Variants in PRR12 observed in about 807,000 individuals in gnomAD.
The protein encoded by PRR12 is proline rich 12.
A neutral mutation model predicts 138.0 loss-of-function variants in PRR12; 12 were observed. The ratio of observed to expected loss-of-function variants is 0.09; its 90% CI spans 0.06 to 0.14. The LOEUF is 0.14. Ranked by LOEUF, PRR12 falls within the 10% of genes least tolerant of loss-of-function variation. The probability of loss-of-function intolerance (pLI) is 1.00; values close to 1 mark genes in which losing one functional copy is unlikely to be tolerated. For missense variants in PRR12, 2,692 were observed against 2,861.3 expected, an observed-to-expected ratio of 0.94 and a Z score of 1.35; for synonymous variants, 1,567 against 1,291.7, an observed-to-expected ratio of 1.21 and a Z score of -4.57.
intron 11 of PRR12, among the ~76,000 whole-genome samples, chr19:49,622,978 T>G (rs572867603): frequency 2.8e-5 from 4 of 143,738 alleles, no homozygotes. Context: ...GAGAGAGATA[T>G]TAATATGACT....
At position 49,596,166 on chromosome 19, in the gene PRR12, G is replaced by A. The variant is rs763022410; in HGVS notation, c.1831G>A (p.Gly611Arg). Residue 611 changes from glycine (G) to arginine (R), a missense_variant, in exon 4 of 14, where the codon GGA becomes AGA. Transcript: ENST00000418929. The surrounding 1 kb of genome is among the most constrained non-coding windows in gnomAD (Gnocchi z 5.6). ...TCCGGGAGCTGGCAGCTATGCAGCCGGAGCAGGTGGCTACAAGGGCAAGGG... is the reference window on the plus strand; with the variant it reads ...TCCGGGAGCTGGCAGCTATGCAGCCAGAGCAGGTGGCTACAAGGGCAAGGG... ...APPGAGSYAA[G>R]AGGYKGKGDG... 1.2e-6 allele frequency: 2 copies of A among 1,609,000 alleles called. No homozygotes were observed. The highest frequency in any genetic ancestry group is 1.7e-5 in the Admixed American group (1 of 60,010).
Position 49,615,683 on chromosome 19 carries a change from A to G in PRR12, c.5025-64A>G, listed in dbSNP as rs28562291. 5,678 of 1,377,320 alleles carry G rather than the reference A, an allele frequency of 4.1e-3. 200 individuals are homozygous for G. In the African/African-American group the frequency reaches 0.07, roughly 17 times the overall value. The allele number at this position is 1,377,320 out of a possible 1,614,324, so 85.3% of individuals were successfully genotyped here. ...CCTGTGCCTAGGGCACTGAGCAGGG[A>G]CCCTGAGGAGAATTTGGATTATTGG... On this transcript the variant is annotated intron_variant, in intron 8 of 13. Transcript: ENST00000418929.
At chr19:49,609,867 C>T (rs997586918) in intron 6 of PRR12, among the ~76,000 whole-genome samples, 1 of 152,150 alleles carries the variant, frequency 6.6e-6, no homozygotes, top group African/African-American at 2.4e-5. Context: ...GAGCCCCTGG[C>T]CAGTAGGGAA....
At chr19:49,593,734 C>G (rs904020167) in intron 2 of PRR12, among the ~76,000 whole-genome samples, 4 of 152,206 alleles carry the variant, frequency 2.6e-5, no homozygotes, top group Non-Finnish European at 5.9e-5. Flanking sequence ...CAACCCACCC[C>G]AATTCTTTCC....
chr19:49,622,499 G>C (rs1303183875), intron 11 of PRR12, among the ~76,000 whole-genome samples: 1 of 151,870 alleles, frequency 6.6e-6, no homozygotes, highest in African/African-American at 2.4e-5. Context: ...GGCTGAGGCA[G>C]GAGAATCAGT....
Position 49,601,564 on chromosome 19 carries a change from A to AC in PRR12, c.4424dup (p.Pro1476SerfsTer53). 8.2e-7 allele frequency: 1 copy of AC among 1,216,892 alleles called. No individual in the cohort carries two copies. Among genetic ancestry groups the AC allele is most frequent in the Non-Finnish European group, 1.1e-6 (1 of 940,328 alleles). The allele number at this position is 1,216,892 out of a possible 1,614,324, so 75.4% of individuals were successfully genotyped here. A position where few individuals can be genotyped will look rare whatever the true frequency, so the allele number is the denominator to read the frequency against. ...CGACTCCTCAGCCTCAGCCTCCGCC[A>AC]CCCCCTCCGCCGCCACAGCCAGCCC... is the stretch of plus-strand genomic sequence containing the variant. On this transcript the variant is annotated frameshift_variant, in exon 6 of 14. Coordinates refer to ENST00000418929, the MANE Select transcript of PRR12 (RefSeq NM_020719.3). LOFTEE classifies it high-confidence loss of function.
At chr19:49,612,228 CAAAAAAAAAA>C (rs1170293912) in intron 6 of PRR12, among the ~76,000 whole-genome samples, 2 of 53,474 alleles carry the variant, frequency 3.7e-5, no homozygotes, top group Admixed American at 1.9e-4. Flanking sequence ...GACTCTGTCT[CAAAAAAAAAA>C]AAAAAAAAAG....
intron 11 of PRR12, among the ~76,000 whole-genome samples, chr19:49,623,821 T>C (rs936156702): frequency 6.2e-5 from 9 of 146,196 alleles, no homozygotes; most frequent in Non-Finnish European, 1.3e-4. Context: ...GGGCTGGGAA[T>C]TCTGGGATAG....
rs1555740341 is a variant in PRR12, at chr19:49,595,024, GC to G, written c.695del (p.Pro232GlnfsTer83). On this transcript the variant is annotated frameshift_variant, in exon 4 of 14. Transcript: ENST00000418929. LOFTEE classifies it high-confidence loss of function. ...GPAQTPPYRP[G>X]PPDPPPPPRH... ...GCCCAGACCCCCCCTTACCGCCCTGGCCCCCCAGACCCACCACCACCTCCTC... is the reference window on the plus strand; with the variant it reads ...GCCCAGACCCCCCCTTACCGCCCTGGCCCCCAGACCCACCACCACCTCCTC... 6.2e-7 allele frequency: 1 copy of G among 1,603,976 alleles called. No homozygotes were observed. The highest frequency in any genetic ancestry group is 8.5e-7 in the Non-Finnish European group (1 of 1,176,612).
chr19:49,592,963 A>G (rs897794800), intron 1 of PRR12, among the ~76,000 whole-genome samples: 1 of 151,686 alleles, frequency 6.6e-6, no homozygotes, highest in Non-Finnish European at 1.5e-5. Flanking sequence ...GTGTCGCCGG[A>G]ACGGGGGCTG....
chr19:49,624,147 A>T (rs1425369015), intron 11 of PRR12, among the ~76,000 whole-genome samples: 3 of 141,452 alleles, frequency 2.1e-5, no homozygotes, highest in African/African-American at 8.1e-5. Flanking sequence ...GATGGGACCG[A>T]GAATTCTGGG....
At chr19:49,622,765 G>C (rs1185138274) in intron 11 of PRR12, among the ~76,000 whole-genome samples, 1 of 148,024 alleles carries the variant, frequency 6.8e-6, no homozygotes, top group South Asian at 2.2e-4. Flanking sequence ...GGTGGCGGGC[G>C]CCTGTAGTCC....
chr19:49,616,556 G>T lies in PRR12; in HGVS notation c.5497+337G>T, dbSNP rs962687518. ...CTGAGCCCAGGGTGCCTCGGACTCT[G>T]TTCTTCAGTGCTGCGTTCTGCCTCA... On this transcript the variant is annotated intron_variant, in intron 9 of 13. Coordinates refer to ENST00000418929, the MANE Select transcript of PRR12 (RefSeq NM_020719.3). The surrounding 1 kb of genome is among the most constrained non-coding windows in gnomAD (Gnocchi z 4.2). 3.9e-5 allele frequency among the ~76,000 whole-genome samples: 6 copies of T among 152,138 alleles called. No homozygotes were observed. The highest frequency in any genetic ancestry group is 8.8e-5 in the Non-Finnish European group (6 of 68,008).
rs759743901 is a variant in PRR12, at chr19:49,599,977, G to C, written c.4345+39G>C. 6.6e-7 allele frequency: 1 copy of C among 1,522,956 alleles called. No individual in the cohort carries two copies. The highest frequency in any genetic ancestry group is 1.3e-5 in the South Asian group (1 of 79,470). 94.3% of individuals were successfully genotyped at this position (1,522,956 alleles called of 1,614,324 possible). A position where few individuals can be genotyped will look rare whatever the true frequency, so the allele number is the denominator to read the frequency against. The stretch of plus-strand genomic sequence containing the variant: ...AGGTGGTCTGGGAGTAGAGCTTAAA[G>C]GTTATTATGATCACTAGGTAACAGT... On this transcript the variant is annotated intron_variant, in intron 5 of 13. Coordinates refer to ENST00000418929, the MANE Select transcript of PRR12 (RefSeq NM_020719.3). This position sits in a 1 kb window ranked among gnomAD's most constrained non-coding sequence, Gnocchi z 5.0.
Position 49,591,228 on chromosome 19 carries a change from CAGA to C in PRR12, c.-426_-424del, listed in dbSNP as rs1311279349. ...TGCAAAGATGGCTGCACCGTGAGCG[CAGA>C]GGAGGAGGAGGCGGCGGCGGCGGCG... On this transcript the variant is annotated 5_prime_UTR_variant, in exon 1 of 14. Transcript: ENST00000418929. 6.8e-5 allele frequency among the ~76,000 whole-genome samples: 10 copies of C among 146,036 alleles called. No individual in the cohort carries two copies. Among genetic ancestry groups the C allele is most frequent in the Middle Eastern group, 7.0e-3 (2 of 286 alleles).
chr19:49,620,510 C>A (rs1380269321), intron 10 of PRR12, 33 bp downstream of exon 10: 2 of 1,541,838 alleles, frequency 1.3e-6, no homozygotes, highest in Non-Finnish European at 1.8e-6. Context: ...GGGGGGGGGG[C>A]TGACTCGGTC....
Position 49,616,019 on chromosome 19 carries a change from G to A in PRR12, c.5297G>A (p.Arg1766Gln), listed in dbSNP as rs908417556. 16 of 1,553,808 alleles carry A rather than the reference G, an allele frequency of 1.0e-5. No homozygotes were observed. The highest frequency in any genetic ancestry group is 1.4e-5 in the Non-Finnish European group (16 of 1,148,666). The change falls in exon 9 of 14, where the codon CGG (arginine) becomes CAG (glutamine). Residue 1766 changes from arginine to glutamine, a missense_variant. Transcript: ENST00000418929. This position sits in a 1 kb window ranked among gnomAD's most constrained non-coding sequence, Gnocchi z 4.2. The part of the protein sequence containing the change: ...GERATSGRQT[R>Q]PERSLATGQP... ...CGGGCCACCAGCGGACGGCAGACAC[G>A]GCCAGAGCGGAGTCTCGCCACGGGA... is the stretch of plus-strand genomic sequence containing the variant.
intron 11 of PRR12, 125 bp from the exon 12 acceptor site, chr19:49,624,719 G>C: frequency 1.4e-6 from 2 of 1,386,090 alleles, no homozygotes; most frequent in Non-Finnish European, 9.6e-7. Context: ...CCTTTGAGGA[G>C]ACTCTAGTTG....
In PRR12 at chr19:49,595,724, G is replaced by C. The variant is rs763478238; in HGVS notation, c.1389G>C (p.Gly463=). 3 of 1,591,826 alleles carry C rather than the reference G, an allele frequency of 1.9e-6. No homozygotes were observed. Among genetic ancestry groups the C allele is most frequent in the Admixed American group, 1.8e-5 (1 of 57,034 alleles). The change falls in exon 4 of 14, where the codon GGG becomes GGC. Residue 463 remains glycine, a synonymous_variant. Coordinates refer to ENST00000418929, the MANE Select transcript of PRR12 (RefSeq NM_020719.3). ...AGGCCTACGGGCAAGGGTTTGGAGGGGGGCAGGCACAGGACTTGAGCAAAG... is the reference window on the plus strand; with the variant it reads ...AGGCCTACGGGCAAGGGTTTGGAGGCGGGCAGGCACAGGACTTGAGCAAAG... ...GPQAYGQGFG[G]GQAQDLSKAP...
Sources: allele counts gnomAD v4.1 joint callset (sites outside exome capture counted in the v4.1 genomes callset), GRCh38; gene constraint gnomAD v4.1.1; non-coding constraint Gnocchi (gnomAD v3.1); transcripts MANE v1.5; gene names NCBI Gene and HGNC (gene_info 2026-07-23, HGNC 2026-07-21).